FASN: variants seen among roughly 807,000 people sequenced by gnomAD.
FASN encodes fatty acid synthase.
Under a neutral mutation model 250.0 loss-of-function variants are expected in FASN, and 50 were observed. That is an observed-to-expected ratio of 0.20 (90% CI 0.16 to 0.25). FASN has a LOEUF of 0.25. Ranked by LOEUF, FASN falls within the 10% of genes least tolerant of loss-of-function variation. FASN has a pLI of 1.00. For synonymous variants in FASN, 1,909 were observed against 1,584.0 expected (o/e 1.21, Z -4.87); for missense variants, 3,031 against 3,498.5 (o/e 0.87, Z 3.37).
intron 33 of FASN, 32 bp from the exon 34 acceptor site, chr17:82,082,710 G>A: frequency 1.9e-6 from 3 of 1,603,402 alleles, no homozygotes; most frequent in East Asian, 4.5e-5. Context: ...GCTGGACTGG[G>A]CCAGGGTACG....
Position 82,085,831 on chromosome 17 carries a change from C to T in FASN, c.3773G>A (p.Gly1258Asp). Residue 1258 changes from glycine (G) to aspartate (D), a missense_variant, in exon 23 of 43, where the codon GGC becomes GAC. Coordinates refer to ENST00000306749, the MANE Select transcript of FASN (RefSeq NM_004104.5). ...CAGCAGGGGATGGGGGCTGAGCAGG[C>T]CTGGGATGCGGGAATACAGGTGACC... ...GHGHLYSRIP[G>D]LLSPHPLLQL... 6.4e-7 allele frequency: 1 copy of T among 1,556,034 alleles called. No homozygotes were observed. The highest frequency in any genetic ancestry group is 8.7e-7 in the Non-Finnish European group (1 of 1,155,508).
rs373355785 is a variant in FASN at position 82,090,972 on chromosome 17, G to A, written c.1590C>T (p.Phe530=). Residue 530 remains phenylalanine, a synonymous_variant, in exon 10 of 43, where the codon TTC becomes TTT. Coordinates refer to ENST00000306749, the MANE Select transcript of FASN (RefSeq NM_004104.5). The stretch of plus-strand genomic sequence containing the variant: ...GCAGCAGCTGTGACACCTTCAGGCC[G>A]AATGGCTTCACAGCCTCATCGGAGC... The part of the protein sequence containing the change: ...ILRSDEAVKP[F]GLKVSQLLLS... 31 of 1,612,756 alleles carry A rather than the reference G, an allele frequency of 1.9e-5. No homozygotes were observed. Among genetic ancestry groups the A allele is most frequent in the Admixed American group, 5.0e-5 (3 of 59,998 alleles).
chr17:82,086,947 C>T, intron 21 of FASN, 103 bp downstream of exon 21: 1 of 1,394,498 alleles, frequency 7.2e-7, no homozygotes, highest in Non-Finnish European at 9.9e-7. Flanking sequence ...GTTGCTGACC[C>T]CAAAGGGGGC....
intron 12 of FASN, 54 bp from the exon 13 acceptor site, chr17:82,089,438 T>C: frequency 6.2e-7 from 1 of 1,612,258 alleles, no homozygotes; most frequent in Non-Finnish European, 8.5e-7. Flanking sequence ...CACCTCAGGC[T>C]CGGAGAGGTA....
rs768046397 is a variant in FASN, at chr17:82,088,296, C to T, written c.2605G>A (p.Glu869Lys). 6.8e-6 allele frequency: 11 copies of T among 1,606,472 alleles called. No individual in the cohort carries two copies. The highest frequency in any genetic ancestry group is 4.4e-5 in the South Asian group (4 of 91,092). ...TCCACCAGGTAGTGGTCAGGAGACT[C>T]GGAGCTGGTGTCTGCGGGAGGGCAC... is the stretch of plus-strand genomic sequence containing the variant. ...AAIYNIDTSS[E>K]SPDHYLVDHT... The change falls in exon 17 of 43, where the codon GAG (glutamate) becomes AAG (lysine). Residue 869 changes from glutamate (E) to lysine (K), a missense_variant. Coordinates refer to ENST00000306749, the MANE Select transcript of FASN (RefSeq NM_004104.5).
At chr17:82,095,072 A>G (rs934092785) in intron 3 of FASN, among the ~76,000 whole-genome samples, 2 of 152,180 alleles carry the variant, frequency 1.3e-5, no homozygotes, top group Non-Finnish European at 2.9e-5. Flanking sequence ...CCAGCCAGAC[A>G]TCAGAAGCGA....
Position 82,081,712 on chromosome 17 carries a change from G to T in FASN, c.6295C>A (p.Leu2099Met), listed in dbSNP as rs1253314729. 6.2e-7 allele frequency: 1 copy of T among 1,612,778 alleles called. No individual in the cohort carries two copies. The highest frequency in any genetic ancestry group is 8.5e-7 in the Non-Finnish European group (1 of 1,180,000). ...CTCAGGACCATGTGGGGCTGGTTCA[G>T]GAAGAGGTCCAGCACCTCCAGGCAG... ...ASCLEVLDLF[L>M]NQPHMVLSSF... is the part of the protein sequence containing the mutation. The change falls in exon 37 of 43, where the codon CTG (leucine) becomes ATG (methionine). Residue 2099 changes from leucine to methionine, a missense_variant. Transcript: ENST00000306749.
chr17:82,083,767 C>T lies in FASN; in HGVS notation c.5218+5G>A. Reference sequence around the variant, plus strand: ...AGGCAGGTGGGGGCTGTGGGGGCCACTCACCCTTCCCGCCCGTGTGCCACA... The same window carrying T: ...AGGCAGGTGGGGGCTGTGGGGGCCATTCACCCTTCCCGCCCGTGTGCCACA... On this transcript the variant is annotated splice_donor_5th_base_variant and intron_variant, in intron 30 of 42. Transcript: ENST00000306749. The T allele has an allele frequency of 2.5e-6, 4 of 1,611,484 alleles. No individual in the cohort carries two copies. The highest frequency in any genetic ancestry group is 3.4e-6 in the Non-Finnish European group (4 of 1,179,640).
chr17:82,090,686 T>C (rs961917215), intron 10 of FASN, 122 bp from the exon 11 acceptor site: 27 of 1,095,756 alleles, frequency 2.5e-5, no homozygotes, highest in Non-Finnish European at 3.5e-5. Flanking sequence ...GGTCTCCTGA[T>C]AGGAAAGAAG....
intron 36 of FASN, 73 bp downstream of exon 36, chr17:82,081,936 G>C: frequency 2.9e-6 from 1 of 344,208 alleles, no homozygotes; most frequent in Non-Finnish European, 5.0e-6. Flanking sequence ...GCTGCGGGGA[G>C]AAGGTGGGGG....
rs1394340914 is a variant in FASN at position 82,094,654 on chromosome 17, TGGTGGGCGCCTG to T, written c.280+654_280+665del. ...AAATACAAAAATTAGCCGGGCGTGG[TGGTGGGCGCCTG>T]TAGTCCCGGCCACTCAGGAGACTGA... On this transcript the variant is annotated intron_variant, in intron 3 of 42. Coordinates refer to ENST00000306749, the MANE Select transcript of FASN (RefSeq NM_004104.5). 6.6e-5 allele frequency among the ~76,000 whole-genome samples: 10 copies of T among 151,376 alleles called. No homozygotes were observed. In the East Asian group the frequency reaches 1.6e-3, roughly 24 times the overall value.
chr17:82,079,792 T>C, intron 41 of FASN, 184 bp from the exon 42 acceptor site: 1 of 809,812 alleles, frequency 1.2e-6, no homozygotes, highest in Non-Finnish European at 1.9e-6. Flanking sequence ...TTCTCCTCCC[T>C]CCGCAACCTC....
Position 82,080,685 on chromosome 17 carries a change from G to C in FASN, c.6826+7C>G, listed in dbSNP as rs1193746520. 3 of 1,578,536 alleles carry C rather than the reference G, an allele frequency of 1.9e-6. No homozygotes were observed. Among genetic ancestry groups the C allele is most frequent in the African/African-American group, 2.7e-5 (2 of 74,502 alleles). On this transcript the variant is annotated splice_region_variant and intron_variant, in intron 39 of 42. Coordinates refer to ENST00000306749, the MANE Select transcript of FASN (RefSeq NM_004104.5). ...ACCACCGCTTCCAGAGGAGGGCCCG[G>C]GAGTACCTCGGGTGCACTGCAGGCC...
chr17:82,089,868 G>T (rs968310618), intron 11 of FASN, 142 bp from the exon 12 acceptor site: 14 of 767,650 alleles, frequency 1.8e-5, no homozygotes, highest in Non-Finnish European at 2.9e-5. Flanking sequence ...AGAAAGGTTC[G>T]CCCCCTGCTG....
rs961858343 is a variant in FASN at position 82,090,445 on chromosome 17, G to A, written c.1800C>T (p.Val600=). Residue 600 remains valine, a synonymous_variant, in exon 11 of 43, where the codon GTC becomes GTT. Transcript: ENST00000306749. Reference sequence around the variant, plus strand: ...ACTGTCCCCTCCAGTAGGCAGCGAGGACGGCCTCCTCCTGGGACAGGCAGC... The same window carrying A: ...ACTGTCCCCTCCAGTAGGCAGCGAGAACGGCCTCCTCCTGGGACAGGCAGC... ...ADGCLSQEEA[V]LAAYWRGQCI... 1 of 1,605,400 alleles carries A rather than the reference G, an allele frequency of 6.2e-7. No individual in the cohort carries two copies.
chr17:82,085,123 C>A lies in FASN; in HGVS notation c.4321G>T (p.Val1441Leu). 6.2e-7 allele frequency: 1 copy of A among 1,612,610 alleles called. No individual in the cohort carries two copies. The highest frequency in any genetic ancestry group is 1.3e-5 in the African/African-American group (1 of 75,040). Residue 1441 changes from valine (V) to leucine (L), a missense_variant, in exon 25 of 43, where the codon GTG becomes TTG. Transcript: ENST00000306749. ...GCACAGTTGATGGCCTTCAGCCACA[C>A]AGGCCGGGAAGAGTCTTCGTCAGCC... Reference protein sequence around the residue: ...ILADEDSSRPVWLKAINCATS... With the variant: ...ILADEDSSRPLWLKAINCATS...
At position 82,081,216 on chromosome 17, in the gene FASN, T is replaced by TTGCC; in HGVS notation, c.6539_6542dup (p.Leu2182AlafsTer16). The TTGCC allele has an allele frequency of 6.3e-7, 1 of 1,593,278 alleles. No homozygotes were observed. Among genetic ancestry groups the TTGCC allele is most frequent in the Non-Finnish European group, 8.5e-7 (1 of 1,171,028 alleles). ...GCTCCTGCAGTTTCCGGAGCGTGAG[T>TTGCC]TGCCGCACCTCGCGCACGGACAGCA... On this transcript the variant is annotated frameshift_variant, in exon 38 of 43. Transcript: ENST00000306749. LOFTEE classifies it high-confidence loss of function.
In FASN at chr17:82,081,505, G is replaced by A. The variant is rs1051610176; in HGVS notation, c.6406+96C>T. On this transcript the variant is annotated intron_variant, in intron 37 of 42. Coordinates refer to ENST00000306749, the MANE Select transcript of FASN (RefSeq NM_004104.5). ...CGCCCGCACCCTGGCTCTGCAGATG[G>A]GGAAACTGAGGCGCACAGGGGCACG... is the stretch of plus-strand genomic sequence containing the variant. 3.8e-6 allele frequency: 6 copies of A among 1,593,410 alleles called. No individual in the cohort carries two copies. The African/African-American group carries it at 4.0e-5, about 11-fold the overall frequency.
intron 8 of FASN, among the ~76,000 whole-genome samples, chr17:82,092,136 G>A (rs752374516): frequency 6.6e-6 from 1 of 152,042 alleles, no homozygotes; most frequent in Non-Finnish European, 1.5e-5. Flanking sequence ...GACCCTGATG[G>A]TGCCGTGGAC....
Sources: allele counts gnomAD v4.1 joint callset (sites outside exome capture counted in the v4.1 genomes callset), GRCh38; gene constraint gnomAD v4.1.1; transcripts MANE v1.5; gene names NCBI Gene and HGNC (gene_info 2026-07-23, HGNC 2026-07-21).